Variants in NEMP2 observed in about 807,000 individuals in gnomAD.
The protein encoded by NEMP2 is nuclear envelope integral membrane protein 2.
NEMP2 carries 53 observed loss-of-function variants against 54.2 expected under a neutral mutation model. The ratio of observed to expected loss-of-function variants is 0.98; its 90% CI spans 0.78 to 1.23. The LOEUF (loss-of-function observed/expected upper bound fraction) is 1.23, where lower values mean the gene tolerates loss of function less well. Among genes scored for constraint, NEMP2 ranks in the 50% most tolerant of loss-of-function variants. The pLI is 0.00. For synonymous variants in NEMP2, 197 were observed against 190.3 expected (o/e 1.04, Z -0.29); for missense variants, 455 against 511.3 (o/e 0.89, Z 1.06).
At chr2:190,592,444 A>C in the NEMP2 span, among the ~76,000 whole-genome samples, 1 of 152,178 alleles carries the variant, frequency 6.6e-6, no homozygotes, top group Non-Finnish European at 1.5e-5. The surrounding 1 kb of genome is among the most constrained non-coding windows in gnomAD (Gnocchi z 4.4). Flanking sequence ...GATGCAAGGC[A>C]GATCTGAGTA....
At chr2:190,424,904 C>A in the NEMP2 span, among the ~76,000 whole-genome samples, 1 of 152,062 alleles carries the variant, frequency 6.6e-6, no homozygotes, top group African/African-American at 2.4e-5. This position sits in a 1 kb window ranked among gnomAD's most constrained non-coding sequence, Gnocchi z 5.9. Context: ...ATTTTAAAAT[C>A]TTGTCTATAT....
the NEMP2 span, among the ~76,000 whole-genome samples, chr2:190,545,622 C>T: frequency 6.6e-6 from 1 of 152,232 alleles, no homozygotes; most frequent in African/African-American, 2.4e-5. Context: ...ATATCCCCAG[C>T]AATCACAATC....
At chr2:190,464,127 C>A in the NEMP2 span, among the ~76,000 whole-genome samples, 4 of 152,194 alleles carry the variant, frequency 2.6e-5, no homozygotes, top group African/African-American at 9.7e-5. Flanking sequence ...CTCGAGCAAC[C>A]TTGTATGCAT....
chr2:190,581,216 A>G, the NEMP2 span, among the ~76,000 whole-genome samples: 31 of 152,326 alleles, frequency 2.0e-4, no homozygotes, highest in Non-Finnish European at 3.7e-4. Context: ...TTTAGTATTT[A>G]TATAATCAAC....
At chr2:190,607,579 G>A in the NEMP2 span, 2 of 152,166 alleles carry the variant, frequency 1.3e-5, no homozygotes, top group African/African-American at 2.4e-5. The surrounding 1 kb of genome is among the most constrained non-coding windows in gnomAD (Gnocchi z 5.2). Flanking sequence ...CAGAGTAATT[G>A]TGGACCTTTA....
the NEMP2 span, chr2:190,433,301 G>C: frequency 2.0e-5 from 3 of 152,162 alleles, no homozygotes; most frequent in Non-Finnish European, 4.4e-5. The surrounding 1 kb of genome is among the most constrained non-coding windows in gnomAD (Gnocchi z 4.5). Flanking sequence ...AAATAGATTT[G>C]AGGGCAAATT....
chr2:190,486,328 CAT>C, the NEMP2 span, among the ~76,000 whole-genome samples: 16 of 152,200 alleles, frequency 1.1e-4, no homozygotes, highest in African/African-American at 2.9e-4. Flanking sequence ...AGTGTCTGCA[CAT>C]GTTTTGCTGA....
At chr2:190,449,326 T>C in the NEMP2 span, among the ~76,000 whole-genome samples, 2 of 152,038 alleles carry the variant, frequency 1.3e-5, no homozygotes, top group Non-Finnish European at 2.9e-5. Context: ...ATACAAAAAT[T>C]AGCTGGGCAT....
chr2:190,448,292 A>G, the NEMP2 span, among the ~76,000 whole-genome samples: 1 of 152,344 alleles, frequency 6.6e-6, no homozygotes, highest in Non-Finnish European at 1.5e-5. Flanking sequence ...TGGCCTAAAA[A>G]TTACATTTTT....
the NEMP2 span, chr2:190,436,699 C>T: frequency 6.2e-7 from 1 of 1,614,218 alleles, no homozygotes; most frequent in Non-Finnish European, 8.5e-7. This position sits in a 1 kb window ranked among gnomAD's most constrained non-coding sequence, Gnocchi z 5.3. Flanking sequence ...GAACAGTGAA[C>T]CCACTCTGCA....
At chr2:190,473,913 A>T in the NEMP2 span, among the ~76,000 whole-genome samples, 1 of 152,182 alleles carries the variant, frequency 6.6e-6, no homozygotes, top group African/African-American at 2.4e-5. Flanking sequence ...TAAGAAACTC[A>T]CTCAAAACTG....
the NEMP2 span, chr2:190,436,737 T>G: frequency 6.2e-7 from 1 of 1,614,220 alleles, no homozygotes; most frequent in Non-Finnish European, 8.5e-7. The surrounding 1 kb of genome is among the most constrained non-coding windows in gnomAD (Gnocchi z 5.3). Context: ...TTACTAACCG[T>G]ATGATGGACT....
chr2:190,529,264 C>A lies in NEMP2; in HGVS notation c.98-3886G>T. The stretch of plus-strand genomic sequence containing the variant: ...AACCCTCCAATGGTTTCCTTTTACA[C>A]CATTAATAAAATCCCCCTCCCTTCC... On this transcript the variant is annotated intron_variant, in intron 1 of 8. Coordinates refer to ENST00000409150, the MANE Select transcript of NEMP2 (RefSeq NM_001142645.2). This position sits in a 1 kb window ranked among gnomAD's most constrained non-coding sequence, Gnocchi z 4.7. Among the ~76,000 whole-genome samples the A allele has an allele frequency of 6.6e-6, 1 of 152,164 alleles. No homozygotes were observed. The highest frequency in any genetic ancestry group is 1.5e-5 in the Non-Finnish European group (1 of 68,024).
the NEMP2 span, among the ~76,000 whole-genome samples, chr2:190,449,077 C>A: frequency 6.6e-6 from 1 of 152,130 alleles, no homozygotes; most frequent in South Asian, 2.1e-4. Flanking sequence ...ATATTTTGCC[C>A]TAAATGGCAT....
intron 2 of NEMP2, among the ~76,000 whole-genome samples, chr2:190,524,574 T>TC (rs1373265592): frequency 6.6e-6 from 1 of 152,200 alleles, no homozygotes; most frequent in African/African-American, 2.4e-5. Context: ...ACTGAAATCT[T>TC]CCTCAAATGT....
rs748304640 is a variant in NEMP2 at position 190,511,153 on chromosome 2, C to CTTGTT, written c.954-621_954-617dup. Among the ~76,000 whole-genome samples the CTTGTT allele has an allele frequency of 1.4e-3, 212 of 152,000 alleles. 1 individual carries two copies. Among genetic ancestry groups the CTTGTT allele is most frequent in the Non-Finnish European group, 2.5e-3 (170 of 67,968 alleles). On this transcript the variant is annotated intron_variant, in intron 7 of 8. Transcript: ENST00000409150. ...TTCTAATCACAGAGGCAATTAAAAG[C>CTTGTT]TTGTTTTGTTTTGTTTTTTTATGCT...
the NEMP2 span, among the ~76,000 whole-genome samples, chr2:190,478,098 ATAT>A: frequency 6.6e-6 from 1 of 152,168 alleles, no homozygotes; most frequent in Admixed American, 6.5e-5. Flanking sequence ...CACCTCAGGG[ATAT>A]TATCCCAGGA....
chr2:190,432,229 T>G, the NEMP2 span, among the ~76,000 whole-genome samples: 1 of 152,182 alleles, frequency 6.6e-6, no homozygotes, highest in African/African-American at 2.4e-5. Flanking sequence ...AGAAGAGGCT[T>G]TAACTTTCCT....
At chr2:190,620,464 C>G in the NEMP2 span, 11 of 152,156 alleles carry the variant, frequency 7.2e-5, no homozygotes, top group African/African-American at 2.4e-4. The surrounding 1 kb of genome is among the most constrained non-coding windows in gnomAD (Gnocchi z 4.9). Context: ...AACAAAAAAA[C>G]AGAGAATCCG....
Sources: gnomAD v4.1 joint callset for allele counts (sites outside exome capture counted in the v4.1 genomes callset) on GRCh38, gnomAD v4.1.1 for gene constraint, Gnocchi (gnomAD v3.1) non-coding constraint, MANE v1.5 for transcripts, NCBI Gene and HGNC (gene_info 2026-07-23, HGNC 2026-07-21) for gene names.